The following ARID5B variants were observed in gnomAD, a reference collection of about 807,000 sequenced individuals.
ARID5B encodes the protein AT-rich interaction domain 5B.
Under a neutral mutation model 97.2 loss-of-function variants are expected in ARID5B, and 13 were observed. The ratio of observed to expected loss-of-function variants is 0.13; its 90% CI spans 0.09 to 0.21. The LOEUF is 0.21. Among genes scored for constraint, ARID5B ranks in the 10% least tolerant of loss-of-function variants. The probability of loss-of-function intolerance (pLI) is 1.00; values close to 1 mark genes in which losing one functional copy is unlikely to be tolerated. For synonymous variants in ARID5B, 556 were observed against 570.3 expected (o/e 0.97, Z 0.36); for missense variants, 1,210 against 1,465.3 (o/e 0.83, Z 2.84).
rs778633528 is a variant in ARID5B at position 62,092,581 on chromosome 10, G to T, written c.3118G>T (p.Val1040Phe). ...AVSPLDPSKE[V>F]SGKEKASEQE... ...GTCTCCCTTAGACCCATCCAAGGAG[G>T]TCTCTGGGAAGGAGAAGGCCTCTGA... The change falls in exon 10 of 10, where the codon GTC becomes TTC. Residue 1040 changes from valine (V) to phenylalanine (F), a missense_variant. This residue lies in a region of ARID5B where 800 missense variants were observed against 839.1 expected (regional missense o/e 0.95). Transcript: ENST00000279873. 1 of 1,614,224 alleles carries T rather than the reference G, an allele frequency of 6.2e-7. No homozygotes were observed. Among genetic ancestry groups the T allele is most frequent in the South Asian group, 1.1e-5 (1 of 91,086 alleles).
chr10:61,967,107 C>A (rs1386970428), intron 3 of ARID5B, among the ~76,000 whole-genome samples: 1 of 151,928 alleles, frequency 6.6e-6, no homozygotes, highest in Non-Finnish European at 1.5e-5. Flanking sequence ...CATTTTTTAG[C>A]CCTTTAAGAG....
intron 3 of ARID5B, among the ~76,000 whole-genome samples, chr10:61,947,999 C>T (rs974066516): frequency 6.6e-5 from 10 of 152,268 alleles, no homozygotes; most frequent in East Asian, 1.9e-4. Context: ...CTTCTGATGA[C>T]GGACTGAAGA....
At chr10:61,904,093 C>A (rs528222550) in intron 2 of ARID5B, among the ~76,000 whole-genome samples, 2 of 148,144 alleles carry the variant, frequency 1.4e-5, no homozygotes, top group Non-Finnish European at 3.0e-5. Context: ...CTTCCTCCCC[C>A]TCCCTCTCCC....
chr10:62,092,690 C>G lies in ARID5B; in HGVS notation c.3227C>G (p.Pro1076Arg), dbSNP rs763022701. 1.2e-6 allele frequency: 2 copies of G among 1,614,068 alleles called. No individual in the cohort carries two copies. The highest frequency in any genetic ancestry group is 1.7e-5 in the Admixed American group (1 of 60,022). The change falls in exon 10 of 10, where the codon CCT becomes CGT. Residue 1076 changes from proline (P) to arginine (R), a missense_variant. Around this residue, in one of 8 missense-constraint regions of ARID5B, gnomAD observed 800 missense variants for 839.1 expected, o/e 0.95. Coordinates refer to ENST00000279873, the MANE Select transcript of ARID5B (RefSeq NM_032199.3). ...SEGHKLPLSS[P>R]IFPGLYSGSL... is the part of the protein sequence containing the mutation. ...GGCCACAAGCTTCCCCTCTCCTCCC[C>G]TATCTTCCCAGGTCTGTATTCCGGG...
At chr10:61,976,795 A>C (rs1479111702) in intron 3 of ARID5B, among the ~76,000 whole-genome samples, 1 of 152,030 alleles carries the variant, frequency 6.6e-6, no homozygotes, top group Non-Finnish European at 1.5e-5. Flanking sequence ...ATTACGTAGC[A>C]CTTCACAGTT....
intron 2 of ARID5B, among the ~76,000 whole-genome samples, chr10:61,906,967 C>A (rs1589213447): frequency 6.6e-6 from 1 of 152,150 alleles, no homozygotes; most frequent in East Asian, 1.9e-4. Flanking sequence ...GTAGATACTT[C>A]AATAATGGTT....
chr10:62,016,092 T>C (rs145198925), intron 4 of ARID5B, among the ~76,000 whole-genome samples: 2 of 152,352 alleles, frequency 1.3e-5, no homozygotes, highest in East Asian at 3.9e-4. Context: ...CTGGCTCTAT[T>C]CTCATAGGTC....
chr10:62,032,863 A>C (rs142763031), intron 4 of ARID5B, among the ~76,000 whole-genome samples: 119 of 152,240 alleles, frequency 7.8e-4, no homozygotes, highest in African/African-American at 2.8e-3. Flanking sequence ...TAAGTGACCT[A>C]CCCTAACTTC....
intron 4 of ARID5B, among the ~76,000 whole-genome samples, chr10:62,021,029 AATATATATATATATATATATATATATAT>A (rs10528323): frequency 9.4e-6 from 1 of 106,876 alleles, no homozygotes; most frequent in East Asian, 3.0e-4. Flanking sequence ...TTGTCACATG[AATATATATATATATATATATATATATAT>A]ATATATATAT....
At chr10:61,953,261 C>T (rs1048413119) in intron 3 of ARID5B, among the ~76,000 whole-genome samples, 3 of 152,122 alleles carry the variant, frequency 2.0e-5, no homozygotes, top group Non-Finnish European at 4.4e-5. Flanking sequence ...GGCCTATTCT[C>T]TCAATAGGAA....
At chr10:62,081,771 C>G (rs568922037) in intron 8 of ARID5B, among the ~76,000 whole-genome samples, 24 of 152,254 alleles carry the variant, frequency 1.6e-4, no homozygotes, top group African/African-American at 5.3e-4. Context: ...TTTGCTGACC[C>G]CTGACTTCTG....
chr10:62,066,905 A>G (rs2132950419), intron 7 of ARID5B, among the ~76,000 whole-genome samples: 1 of 152,282 alleles, frequency 6.6e-6, no homozygotes, highest in Non-Finnish European at 1.5e-5. Context: ...CTACTAGAAT[A>G]CAGTGGTCTT....
intron 2 of ARID5B, among the ~76,000 whole-genome samples, chr10:61,909,318 GTTTTTT>G (rs777612375): frequency 2.6e-5 from 2 of 77,260 alleles, no homozygotes; most frequent in African/African-American, 5.2e-5. Context: ...TATTCAGTGA[GTTTTTT>G]TTTTTTTTTT....
intron 7 of ARID5B, among the ~76,000 whole-genome samples, chr10:62,067,178 C>T (rs1031170939): frequency 8.6e-5 from 13 of 152,040 alleles, no homozygotes; most frequent in South Asian, 2.1e-4. Context: ...CTCTGCCTCC[C>T]GGTTCAAGCA....
intron 4 of ARID5B, among the ~76,000 whole-genome samples, chr10:62,008,061 AACACACACAC>A (rs369982502): frequency 3.0e-5 from 2 of 66,612 alleles, no homozygotes; most frequent in African/African-American, 5.5e-5. Flanking sequence ...CCCGCCCCAC[AACACACACAC>A]ACACACACAC....
rs778821864 is a variant in ARID5B at position 62,086,709 on chromosome 10, A to AAAAAAAC, written c.1398+812_1398+813insAAACAAA. Among the ~76,000 whole-genome samples the AAAAAAAC allele has an allele frequency of 5.1e-3, 583 of 113,974 alleles. 60 individuals carry two copies. The highest frequency in any genetic ancestry group is 0.021 in the Middle Eastern group (3 of 144). The allele number at this position is 113,974 out of a possible 152,430, so 74.8% of individuals were successfully genotyped here. A position where few individuals can be genotyped will look rare whatever the true frequency, so the allele number is the denominator to read the frequency against. On this transcript the variant is annotated intron_variant, in intron 9 of 9. Coordinates refer to ENST00000279873, the MANE Select transcript of ARID5B (RefSeq NM_032199.3). Reference sequence around the variant, plus strand: ...CCATCTCAAAAAAAAAAAAAAAAAAAAAATATCAGGCATGGTGGTGCCCCG... The same window carrying AAAAAAAC: ...CCATCTCAAAAAAAAAAAAAAAAAAAAAAAAACAAATATCAGGCATGGTGGTGCCCCG...
At chr10:61,904,964 G>A (rs1843685442) in intron 2 of ARID5B, among the ~76,000 whole-genome samples, 1 of 152,226 alleles carries the variant, frequency 6.6e-6, no homozygotes, top group Non-Finnish European at 1.5e-5. Flanking sequence ...CTGGAGGAGA[G>A]CCTTACAGAA....
chr10:61,956,897 T>A (rs1000081426), intron 3 of ARID5B, among the ~76,000 whole-genome samples: 1 of 152,234 alleles, frequency 6.6e-6, no homozygotes, highest in East Asian at 1.9e-4. Context: ...CGGGTATTCC[T>A]CCAGTTATCT....
At chr10:62,053,209 T>C (rs1183641816) in intron 5 of ARID5B, among the ~76,000 whole-genome samples, 1 of 152,220 alleles carries the variant, frequency 6.6e-6, no homozygotes. Context: ...AGTGAGCTGT[T>C]TGACTTTGTG....
Sources: allele counts gnomAD v4.1 joint callset (sites outside exome capture counted in the v4.1 genomes callset), GRCh38; gene constraint gnomAD v4.1.1; regional missense constraint gnomAD v4.1.1; transcripts MANE v1.5; gene names NCBI Gene and HGNC (gene_info 2026-07-23, HGNC 2026-07-21).